The following ROBO1 variants were observed in gnomAD, a reference collection of about 807,000 sequenced individuals.
ROBO1 encodes roundabout homolog 1.
Under a neutral mutation model 195.9 loss-of-function variants are expected in ROBO1, and 149 were observed. The ratio of observed to expected loss-of-function variants is 0.76; its 90% confidence interval spans 0.67 to 0.87. The LOEUF is 0.87. ROBO1 is among the 40% of genes least tolerant of loss of function. ROBO1 has a pLI of 0.00. For missense variants in ROBO1, 1,933 were observed against 2,068.3 expected (o/e 0.93, Z 1.27); for synonymous variants, 816 against 733.2 (o/e 1.11, Z -1.82).
chr3:79,483,182 A>G (rs1938960712), intron 2 of ROBO1, among the ~76,000 whole-genome samples: 1 of 152,346 alleles, frequency 6.6e-6, no homozygotes, highest in East Asian at 1.9e-4. Flanking sequence ...AACTTCTAAC[A>G]CAGACAACAA....
In ROBO1 at chr3:79,073,675, A is replaced by G. The variant is rs1433855757; in HGVS notation, c.172+51781T>C. 4.6e-5 allele frequency among the ~76,000 whole-genome samples: 7 copies of G among 152,010 alleles called. No individual in the cohort carries two copies. In the East Asian group the frequency reaches 1.4e-3, roughly 30 times the overall value. On this transcript the variant is annotated intron_variant, in intron 3 of 30. Coordinates refer to ENST00000464233, the MANE Select transcript of ROBO1 (RefSeq NM_002941.4). Reference sequence around the variant, plus strand: ...CTACCACTTTGCAGAGAGCTCAATAAAAGATGGAACAAATAATCTGTTTCT... The same window carrying G: ...CTACCACTTTGCAGAGAGCTCAATAGAAGATGGAACAAATAATCTGTTTCT...
In ROBO1 at chr3:78,862,105, C is replaced by G. The variant is rs532034823; in HGVS notation, c.499+76496G>C. Among the ~76,000 whole-genome samples, 83 of 152,118 alleles carry G rather than the reference C, an allele frequency of 5.5e-4. No homozygotes were observed. The South Asian group carries it at 0.017, about 30-fold the overall frequency. On this transcript the variant is annotated intron_variant, in intron 4 of 30. Coordinates refer to ENST00000464233, the MANE Select transcript of ROBO1 (RefSeq NM_002941.4). ...GTGGGCTAGATTATCTAGATGGGCC[C>G]CATCTAATCACAGGAGCTCTTAAAA... is the stretch of plus-strand genomic sequence containing the variant.
At chr3:78,638,361 G>A (rs986826806) in intron 22 of ROBO1, among the ~76,000 whole-genome samples, 3 of 149,048 alleles carry the variant, frequency 2.0e-5, no homozygotes, top group East Asian at 2.0e-4. Context: ...TATATATATC[G>A]TGTCCTCAGG....
chr3:79,244,151 GTTCT>G (rs2082576235), intron 2 of ROBO1, among the ~76,000 whole-genome samples: 1 of 152,036 alleles, frequency 6.6e-6, no homozygotes, highest in African/African-American at 2.4e-5. Context: ...CACCGTTGAT[GTTCT>G]TTCTATCATA....
chr3:78,857,694 A>G (rs746763387), intron 4 of ROBO1, among the ~76,000 whole-genome samples: 28 of 152,172 alleles, frequency 1.8e-4, no homozygotes, highest in Non-Finnish European at 3.1e-4. Context: ...CAAGCCCTCC[A>G]GGTGACGCTG....
intron 28 of ROBO1, among the ~76,000 whole-genome samples, chr3:78,614,298 T>A (rs1221730696): frequency 6.6e-6 from 1 of 152,230 alleles, no homozygotes; most frequent in Admixed American, 6.5e-5. Context: ...GAAGACACTT[T>A]GGAGGATTTA....
intron 3 of ROBO1, among the ~76,000 whole-genome samples, chr3:79,098,200 G>A (rs1429111095): frequency 1.3e-5 from 2 of 151,842 alleles, no homozygotes; most frequent in Non-Finnish European, 1.5e-5. Context: ...TGTACACACT[G>A]TTATCATTGT....
chr3:79,204,460 C>A (rs2081828192), intron 2 of ROBO1, among the ~76,000 whole-genome samples: 1 of 151,990 alleles, frequency 6.6e-6, no homozygotes, highest in African/African-American at 2.4e-5. Flanking sequence ...TGGCGGCTGA[C>A]TACATGGTCT....
At position 78,606,825 on chromosome 3, in the gene ROBO1, C is replaced by A. The variant is rs373644190; in HGVS notation, c.4652G>T (p.Arg1551Ile). Residue 1551 changes from arginine to isoleucine, a missense_variant, in exon 29 of 31, where the codon AGA (arginine) becomes ATA (isoleucine). Arg to Ile is a moderately conservative substitution (Grantham distance 97, BLOSUM62 -3). Coordinates refer to ENST00000464233, the MANE Select transcript of ROBO1 (RefSeq NM_002941.4). ...GTCATTTTGCTGTTCCTGTGCTTCT[C>A]TGGGATCACCTGGATTTGTTCGCAT... ...VDMRTNPGDP[R>I]EAQEQQNDGK... 3.2e-5 allele frequency: 51 copies of A among 1,613,748 alleles called. No individual in the cohort carries two copies. The highest frequency in any genetic ancestry group is 3.9e-5 in the Non-Finnish European group (46 of 1,179,860).
At chr3:79,569,725 G>A (rs1943215988) in intron 2 of ROBO1, among the ~76,000 whole-genome samples, 1 of 150,584 alleles carries the variant, frequency 6.6e-6, no homozygotes, top group Admixed American at 6.7e-5. Flanking sequence ...ATATATGTGT[G>A]TGTATGTGTA....
intron 3 of ROBO1, among the ~76,000 whole-genome samples, chr3:79,034,970 T>C (rs1330072669): frequency 6.6e-6 from 1 of 152,110 alleles, no homozygotes; most frequent in Non-Finnish European, 1.5e-5. Context: ...AAAGTATATA[T>C]TTCCATACTA....
chr3:79,104,281 A>T (rs1385278600), intron 3 of ROBO1, among the ~76,000 whole-genome samples: 2 of 151,874 alleles, frequency 1.3e-5, no homozygotes, highest in Non-Finnish European at 2.9e-5. Flanking sequence ...ATGTGTTTCA[A>T]GTTAGTGTTG....
At position 78,746,809 on chromosome 3, in the gene ROBO1, A is replaced by G; in HGVS notation, c.591T>C (p.His197=). 1 of 1,602,322 alleles carries G rather than the reference A, an allele frequency of 6.2e-7. No individual in the cohort carries two copies. Among genetic ancestry groups the G allele is most frequent in the Non-Finnish European group, 8.5e-7 (1 of 1,171,616 alleles). ...TCTTCCATGAAATGGTGGGCTCAGGATGGCCTCGTGGAGGTTGGCATTCCA... is the reference window on the plus strand; with the variant it reads ...TCTTCCATGAAATGGTGGGCTCAGGGTGGCCTCGTGGAGGTTGGCATTCCA... The part of the protein sequence containing the change: ...AVMECQPPRG[H]PEPTISWKKD... Residue 197 remains histidine (H), a synonymous_variant, in exon 5 of 31, where the codon CAT becomes CAC. Coordinates refer to ENST00000464233, the MANE Select transcript of ROBO1 (RefSeq NM_002941.4).
At chr3:78,816,967 T>C (rs184930709) in intron 4 of ROBO1, among the ~76,000 whole-genome samples, 5 of 140,538 alleles carry the variant, frequency 3.6e-5, no homozygotes. Context: ...ACATGTACCC[T>C]AGAGCTTAAA....
chr3:79,457,460 G>A (rs930643012), intron 2 of ROBO1, among the ~76,000 whole-genome samples: 1 of 151,608 alleles, frequency 6.6e-6, no homozygotes, highest in Admixed American at 6.6e-5. Context: ...GTTTCCCCAG[G>A]TCAGATCTTT....
intron 2 of ROBO1, among the ~76,000 whole-genome samples, chr3:79,228,667 T>G (rs755815435): frequency 4.6e-5 from 7 of 152,184 alleles, no homozygotes; most frequent in Admixed American, 6.5e-5. Flanking sequence ...GTACTGTAAC[T>G]TATATAGTTC....
At chr3:78,976,259 C>T (rs2076882984) in intron 3 of ROBO1, among the ~76,000 whole-genome samples, 1 of 152,162 alleles carries the variant, frequency 6.6e-6, no homozygotes, top group Admixed American at 6.6e-5. Context: ...AACTGAGACT[C>T]AGGGTCATCC....
intron 2 of ROBO1, among the ~76,000 whole-genome samples, chr3:79,251,390 G>T (rs1332695518): frequency 1.3e-5 from 2 of 152,086 alleles, no homozygotes; most frequent in African/African-American, 4.8e-5. Context: ...AATACAAAAA[G>T]AAATTCAGGA....
At chr3:79,700,047 C>G (rs775491994) in intron 1 of ROBO1, among the ~76,000 whole-genome samples, 3 of 151,486 alleles carry the variant, frequency 2.0e-5, no homozygotes, top group Non-Finnish European at 4.4e-5. Context: ...CCCTAAGTAC[C>G]CAGTGTTTAG....
Sources: gnomAD v4.1 joint callset for allele counts (sites outside exome capture counted in the v4.1 genomes callset) on GRCh38, gnomAD v4.1.1 for gene constraint, MANE v1.5 for transcripts, NCBI Gene and HGNC (gene_info 2026-07-23, HGNC 2026-07-21) for gene names.